Variants in PDXDC1 observed in about 807,000 individuals in gnomAD.
PDXDC1 encodes the protein pyridoxal dependent decarboxylase domain containing 1.
In PDXDC1, 42 loss-of-function variants were observed where a neutral mutation model predicts 100.1. The observed-to-expected ratio is 0.42, with a 90% confidence interval of 0.33 to 0.54. The LOEUF (loss-of-function observed/expected upper bound fraction) is 0.54, where lower values mean the gene tolerates loss of function less well. Ranked by LOEUF, PDXDC1 falls within the 20% of genes least tolerant of loss-of-function variation. The pLI is 0.10. For synonymous variants in PDXDC1, 260 were observed against 371.7 expected (o/e 0.70, Z 3.46); for missense variants, 636 against 979.2 (o/e 0.65, Z 4.68).
intron 16 of PDXDC1, among the ~76,000 whole-genome samples, chr16:15,064,528 G>A (rs1597873410): frequency 6.6e-6 from 1 of 152,106 alleles, no homozygotes; most frequent in African/African-American, 2.4e-5. Context: ...GGTCTCTAGA[G>A]GAAGGAACAA....
At chr16:15,057,177 C>G (rs1302870493) in intron 16 of PDXDC1, among the ~76,000 whole-genome samples, 1 of 152,154 alleles carries the variant, frequency 6.6e-6, no homozygotes, top group Non-Finnish European at 1.5e-5. Flanking sequence ...CTTACACACC[C>G]CGTTCAACAA....
chr16:15,127,039 C>T (rs182119030), intron 16 of PDXDC1: 4 of 347,656 alleles, frequency 1.2e-5, no homozygotes, highest in South Asian at 2.2e-5. Flanking sequence ...CCGCCCACCT[C>T]GGCCTCCTGA....
chr16:15,111,756 C>CAA (rs1202549941), intron 16 of PDXDC1, among the ~76,000 whole-genome samples: 8,931 of 56,920 alleles, frequency 0.16, 1,503 homozygotes, highest in Non-Finnish European at 0.18. Flanking sequence ...GACTCCGTCT[C>CAA]AAAAAAAAAA....
At chr16:15,041,218 C>T, downstream of PDXDC1, 1 of 792,468 alleles carries the variant, frequency 1.3e-6, no homozygotes. Context: ...CTCCTCGATG[C>T]AGAAAGGGAG....
chr16:15,092,730 G>T (rs1425099216), intron 16 of PDXDC1: 3 of 690,138 alleles, frequency 4.3e-6, no homozygotes, highest in African/African-American at 3.6e-5. Context: ...CTCTTTACTG[G>T]TCTCCCTGCT....
intron 16 of PDXDC1, among the ~76,000 whole-genome samples, chr16:15,124,030 G>A (rs564406486): frequency 6.6e-6 from 1 of 152,038 alleles, no homozygotes; most frequent in South Asian, 2.1e-4. Flanking sequence ...ACCCAAATGA[G>A]GGGGAGAAAA....
intron 16 of PDXDC1, chr16:15,133,894 G>T: frequency 1.3e-6 from 2 of 1,485,506 alleles, no homozygotes; most frequent in Non-Finnish European, 9.2e-7. Context: ...GGGGACAGGG[G>T]GATGGAGGCG....
At chr16:15,119,461 C>T (rs2047362885) in intron 16 of PDXDC1, among the ~76,000 whole-genome samples, 1 of 149,892 alleles carries the variant, frequency 6.7e-6, no homozygotes, top group Non-Finnish European at 1.5e-5. Flanking sequence ...CTCAGTCGCC[C>T]AGGCTGGAGT....
At chr16:15,041,059 A>C, downstream of PDXDC1, 1 of 1,587,190 alleles carries the variant, frequency 6.3e-7, no homozygotes, top group Non-Finnish European at 8.7e-7. Flanking sequence ...AAAGATGCAC[A>C]CTACTTACCA....
At chr16:15,088,853 C>T (rs2046007701) in intron 16 of PDXDC1, among the ~76,000 whole-genome samples, 1 of 152,002 alleles carries the variant, frequency 6.6e-6, no homozygotes, top group South Asian at 2.1e-4. Context: ...CTAGAGAGAT[C>T]TGGAAGTGTG....
At chr16:15,131,364 G>T (rs2048049260) in intron 16 of PDXDC1, 1 of 1,584,438 alleles carries the variant, frequency 6.3e-7, no homozygotes, top group Admixed American at 1.7e-5. Context: ...TATAGCCAAA[G>T]GGAAAGGGAT....
chr16:15,133,206 G>A, intron 16 of PDXDC1: 1 of 1,165,448 alleles, frequency 8.6e-7, no homozygotes, highest in East Asian at 2.5e-5. Context: ...AGGGGTACAG[G>A]TCTTGGTCCC....
Position 14,975,106 on chromosome 16 carries a change from G to C in PDXDC1, c.-94G>C. ...TCCGCCCCGCCGGCCGCGGGCGCGG[G>C]GGACGTCAGCGCTGCCAGCGTGGAA... On this transcript the variant is annotated 5_prime_UTR_variant, in exon 1 of 23. Transcript: ENST00000396410. 6.8e-7 allele frequency: 1 copy of C among 1,469,256 alleles called. No homozygotes were observed. 91.0% of individuals were successfully genotyped at this position (1,469,256 alleles called of 1,614,324 possible).
At chr16:15,111,314 G>A (rs2047049744) in intron 16 of PDXDC1, among the ~76,000 whole-genome samples, 1 of 147,634 alleles carries the variant, frequency 6.8e-6, no homozygotes, top group African/African-American at 2.5e-5. Context: ...AAATTAGCCA[G>A]GCATGGTGGT....
At chr16:15,132,317 T>C (rs1422121919) in intron 16 of PDXDC1, among the ~76,000 whole-genome samples, 1 of 5,492 alleles carries the variant, frequency 1.8e-4, no homozygotes, top group Non-Finnish European at 4.8e-4. Context: ...GGAGAAGGGC[T>C]AGCGGAGGGG....
intron 12 of PDXDC1, among the ~76,000 whole-genome samples, 158 bp from the exon 13 acceptor site, chr16:15,022,546 T>C (rs1422284197): frequency 1.3e-5 from 2 of 152,308 alleles, no homozygotes; most frequent in African/African-American, 4.8e-5. Flanking sequence ...TTTACAGTTG[T>C]TGAAATACAA....
At chr16:15,084,979 C>A (rs112620403) in intron 16 of PDXDC1, among the ~76,000 whole-genome samples, 5 of 151,918 alleles carry the variant, frequency 3.3e-5, no homozygotes. Flanking sequence ...AGCAGGAGAA[C>A]CACTTGAACC....
chr16:15,135,829 G>A (rs866234527), intron 16 of PDXDC1: 1 of 1,487,798 alleles, frequency 6.7e-7, no homozygotes, highest in Non-Finnish European at 9.4e-7. Context: ...CATTGGCCTG[G>A]ATGCTCCGTG....
intron 16 of PDXDC1, chr16:15,127,058 G>C: frequency 2.8e-6 from 1 of 353,840 alleles, no homozygotes; most frequent in South Asian, 2.2e-5. Context: ...GAAGTGTTGG[G>C]ATTATAGGCG....
Sources: allele counts gnomAD v4.1 joint callset (sites outside exome capture counted in the v4.1 genomes callset), GRCh38; gene constraint gnomAD v4.1.1; transcripts MANE v1.5; gene names NCBI Gene and HGNC (gene_info 2026-07-23, HGNC 2026-07-21).